The following SLC24A2 variants were observed in gnomAD, a reference collection of about 807,000 sequenced individuals.
SLC24A2 encodes the protein solute carrier family 24 member 2.
A neutral mutation model predicts 62.0 loss-of-function variants in SLC24A2; 36 were observed. The observed-to-expected ratio is 0.58, with a 90% CI of 0.44 to 0.77. The LOEUF (loss-of-function observed/expected upper bound fraction) is 0.77. Ranked by LOEUF, SLC24A2 falls within the 30% of genes least tolerant of loss-of-function variation. The pLI is 0.00. For missense variants in SLC24A2, 846 were observed against 817.9 expected (o/e 1.03, Z -0.42); for synonymous variants, 358 against 294.0 (o/e 1.22, Z -2.23).
chr9:20,118,133 T>C, the SLC24A2 span, among the ~76,000 whole-genome samples: 16,984 of 152,118 alleles, frequency 0.11, 991 homozygotes, highest in Middle Eastern at 0.17. Context: ...AATATGCATA[T>C]TGTGGCTCAT....
the SLC24A2 span, among the ~76,000 whole-genome samples, chr9:20,068,024 T>C: frequency 2.0e-5 from 3 of 151,654 alleles, no homozygotes; most frequent in African/African-American, 7.2e-5. Context: ...CCTTTTTCTC[T>C]GCAACCTCAC....
At chr9:19,642,825 C>T (rs893336752) in intron 2 of SLC24A2, among the ~76,000 whole-genome samples, 13 of 150,358 alleles carry the variant, frequency 8.6e-5, no homozygotes, top group East Asian at 3.9e-4. Context: ...GGACTACAGG[C>T]GCCCGCCACT....
chr9:19,543,085 A>G (rs1687192308), intron 8 of SLC24A2, among the ~76,000 whole-genome samples: 1 of 152,114 alleles, frequency 6.6e-6, no homozygotes, highest in African/African-American at 2.4e-5. Flanking sequence ...GTAGGCTATT[A>G]ATTACTGCCT....
the SLC24A2 span, among the ~76,000 whole-genome samples, chr9:20,002,465 A>T: frequency 6.6e-6 from 1 of 151,792 alleles, no homozygotes; most frequent in African/African-American, 2.4e-5. Context: ...ATAATCAGGC[A>T]TAAGCACAAA....
Position 19,516,381 on chromosome 9 carries a change from C to T in SLC24A2, c.1758G>A (p.Leu586=), listed in dbSNP as rs756580905. Residue 586 remains leucine (L), a synonymous_variant, in exon 11 of 11, where the codon CTG becomes CTA. Coordinates refer to ENST00000341998, the MANE Select transcript of SLC24A2 (RefSeq NM_020344.4). The stretch of plus-strand genomic sequence containing the variant: ...GCTGGAATCTGTGAATGACGGTGTA[C>T]AGGAGCCAGGGCAGTGGGAGCCTGT... ...ITVGLPLPWL[L]YTVIHRFQPV... is the part of the protein sequence containing the mutation. The T allele has an allele frequency of 9.9e-6, 16 of 1,613,818 alleles. No homozygotes were observed. Among genetic ancestry groups the T allele is most frequent in the Non-Finnish European group, 1.3e-5 (15 of 1,179,968 alleles).
the SLC24A2 span, among the ~76,000 whole-genome samples, chr9:19,915,996 A>G: frequency 2.0e-5 from 3 of 152,040 alleles, no homozygotes; most frequent in African/African-American, 2.4e-5. Flanking sequence ...TCATAAAGCT[A>G]TATCACAGCT....
chr9:20,300,756 C>A, the SLC24A2 span, among the ~76,000 whole-genome samples: 2 of 152,154 alleles, frequency 1.3e-5, no homozygotes, highest in African/African-American at 4.8e-5. Context: ...TTAATTAATA[C>A]CTTCACAGAG....
intron 8 of SLC24A2, among the ~76,000 whole-genome samples, chr9:19,541,193 TC>T (rs2132707286): frequency 7.2e-6 from 1 of 138,662 alleles, no homozygotes; most frequent in African/African-American, 2.7e-5. Flanking sequence ...TCTGAAGCCT[TC>T]TTCTCTCAGC....
At chr9:19,951,664 T>C in the SLC24A2 span, among the ~76,000 whole-genome samples, 343 of 152,278 alleles carry the variant, frequency 2.3e-3, 7 homozygotes, top group East Asian at 0.06. Context: ...AAAAGATTTA[T>C]GTCTGAAGTC....
chr9:19,703,120 T>C (rs1015497045), intron 2 of SLC24A2, among the ~76,000 whole-genome samples: 1 of 152,108 alleles, frequency 6.6e-6, no homozygotes, highest in African/African-American at 2.4e-5. Context: ...AGAGAGATAC[T>C]CGCATATCTT....
chr9:19,958,606 A>T, the SLC24A2 span, among the ~76,000 whole-genome samples: 16 of 152,220 alleles, frequency 1.1e-4, no homozygotes, highest in Non-Finnish European at 1.9e-4. Context: ...GCTAAGTGAC[A>T]CTGAACAAGA....
chr9:20,244,749 G>A, the SLC24A2 span, among the ~76,000 whole-genome samples: 1 of 152,030 alleles, frequency 6.6e-6, no homozygotes, highest in East Asian at 1.9e-4. Context: ...AAAAGCAGAA[G>A]GTATTATACA....
chr9:19,694,318 A>C (rs1410618010), intron 2 of SLC24A2, among the ~76,000 whole-genome samples: 1 of 152,168 alleles, frequency 6.6e-6, no homozygotes, highest in Admixed American at 6.6e-5. Context: ...TCCTAAATCA[A>C]GGTTATTACA....
chr9:20,135,364 AATTTTTAATTACAATTTAAAATTTTC>A, the SLC24A2 span, among the ~76,000 whole-genome samples: 115 of 109,316 alleles, frequency 1.1e-3, no homozygotes, highest in Middle Eastern at 4.5e-3. Flanking sequence ...TTAAAATTTT[AATTTTTAATTACAATTTAAAATTTTC>A]ATTTTTAATT....
At chr9:19,693,243 T>C (rs1286941722) in intron 2 of SLC24A2, among the ~76,000 whole-genome samples, 1 of 152,120 alleles carries the variant, frequency 6.6e-6, no homozygotes, top group Non-Finnish European at 1.5e-5. Context: ...CGCACATGTA[T>C]GTTTATTGTG....
At chr9:20,299,202 C>T in the SLC24A2 span, among the ~76,000 whole-genome samples, 4 of 152,174 alleles carry the variant, frequency 2.6e-5, no homozygotes, top group Non-Finnish European at 5.9e-5. Context: ...CCCTTTCGTG[C>T]ACACAGCCCT....
intron 2 of SLC24A2, among the ~76,000 whole-genome samples, chr9:19,695,692 A>G (rs958847961): frequency 1.3e-5 from 2 of 151,224 alleles, no homozygotes; most frequent in African/African-American, 4.8e-5. Context: ...AAAAAAAAAA[A>G]AAAAAAAAAA....
the SLC24A2 span, among the ~76,000 whole-genome samples, chr9:19,970,834 C>T: frequency 1.3e-5 from 2 of 152,186 alleles, no homozygotes; most frequent in South Asian, 2.1e-4. Context: ...TCAATAACAC[C>T]TTGGCTTGAT....
intron 5 of SLC24A2, among the ~76,000 whole-genome samples, chr9:19,579,658 G>A (rs1195886357): frequency 1.3e-5 from 2 of 152,174 alleles, no homozygotes; most frequent in African/African-American, 4.8e-5. Flanking sequence ...GCATTCAGAA[G>A]CGGCAACAAA....
Sources: allele counts gnomAD v4.1 joint callset (sites outside exome capture counted in the v4.1 genomes callset), GRCh38; gene constraint gnomAD v4.1.1; transcripts MANE v1.5; gene names NCBI Gene and HGNC (gene_info 2026-07-23, HGNC 2026-07-21).